INSYN2A: variants seen among roughly 807,000 people sequenced by gnomAD.
INSYN2A encodes the protein family with sequence similarity 196 member A.
Under a neutral mutation model 39.4 loss-of-function variants are expected in INSYN2A, and 17 were observed. That is an observed-to-expected ratio of 0.43 (90% CI 0.30 to 0.65). The LOEUF (loss-of-function observed/expected upper bound fraction) is 0.65. Ranked by LOEUF, INSYN2A falls within the 30% of genes least tolerant of loss-of-function variation. The pLI is 0.14. For synonymous variants in INSYN2A, 255 were observed against 265.7 expected (o/e 0.96, Z 0.39); for missense variants, 595 against 631.2 (o/e 0.94, Z 0.61).
chr10:127,167,181 G>A (rs753456963), intron 4 of INSYN2A, among the ~76,000 whole-genome samples: 4 of 151,962 alleles, frequency 2.6e-5, no homozygotes, highest in Non-Finnish European at 5.9e-5. Context: ...GTGACCCTGT[G>A]AATTAAATGA....
At chr10:127,191,186 CG>C (rs1295970972) in intron 2 of INSYN2A, among the ~76,000 whole-genome samples, 3 of 152,108 alleles carry the variant, frequency 2.0e-5, no homozygotes, top group Non-Finnish European at 4.4e-5. Flanking sequence ...CGAAGTGAGC[CG>C]GGGCATCACT....
Position 127,171,167 on chromosome 10 carries a change from C to T in INSYN2A, c.1184+4045G>A, listed in dbSNP as rs146350444. ...TGTCTCAGCCATAAACATTCTCTGC[C>T]GAAGCCATTTGGAAATCTACATAAG... On this transcript the variant is annotated intron_variant, in intron 4 of 5. Transcript: ENST00000522781. 5.9e-4 allele frequency among the ~76,000 whole-genome samples: 90 copies of T among 152,112 alleles called. No individual in the cohort carries two copies. The South Asian group carries it at 0.011, about 19-fold the overall frequency.
In INSYN2A at chr10:127,176,134, T is replaced by C; in HGVS notation, c.262A>G (p.Met88Val). Residue 88 changes from methionine (M) to valine (V), a missense_variant, in exon 4 of 6, where the codon ATG (methionine) becomes GTG (valine). Physicochemically the swap from Met to Val is conservative, Grantham distance 21 (BLOSUM62 1). Around this residue, in one of 2 missense-constraint regions of INSYN2A, gnomAD observed 478 missense variants for 467.4 expected, o/e 1.02. Coordinates refer to ENST00000522781, the MANE Select transcript of INSYN2A (RefSeq NM_001039762.3). The surrounding 1 kb of genome is among the most constrained non-coding windows in gnomAD (Gnocchi z 4.4). The stretch of plus-strand genomic sequence containing the variant: ...ATGGACCTGCGTGCGGGCACTGTCA[T>C]GTATTTGCGGTAGGCTGCTCTGCAG... ...VSCRAAYRKY[M>V]TVPARRSIPN... is the part of the protein sequence containing the mutation. The C allele has an allele frequency of 6.2e-7, 1 of 1,614,114 alleles. No individual in the cohort carries two copies. The highest frequency in any genetic ancestry group is 8.5e-7 in the Non-Finnish European group (1 of 1,180,018).
chr10:127,137,829 CGTGA>C lies in INSYN2A; in HGVS notation c.*4_*7del, dbSNP rs745523627. On this transcript the variant is annotated 3_prime_UTR_variant, in exon 6 of 6. Coordinates refer to ENST00000522781, the MANE Select transcript of INSYN2A (RefSeq NM_001039762.3). ...AAGACGGCCTCGAGACTCCAGACACCGTGAGTGTTAAAGGAACCAGAGTTTCCAT... is the reference window on the plus strand; with the variant it reads ...AAGACGGCCTCGAGACTCCAGACACCGTGTTAAAGGAACCAGAGTTTCCAT... 1.9e-6 allele frequency: 3 copies of C among 1,609,580 alleles called. No homozygotes were observed. Among genetic ancestry groups the C allele is most frequent in the Non-Finnish European group, 2.5e-6 (3 of 1,178,610 alleles).
At chr10:127,163,634 T>C (rs977556942) in intron 4 of INSYN2A, among the ~76,000 whole-genome samples, 48 of 152,182 alleles carry the variant, frequency 3.2e-4, no homozygotes, top group African/African-American at 1.1e-3. Context: ...CTCACAATTT[T>C]GTGATGCGTC....
intron 5 of INSYN2A, among the ~76,000 whole-genome samples, chr10:127,140,934 G>T (rs1455792858): frequency 6.6e-6 from 1 of 152,176 alleles, no homozygotes; most frequent in Non-Finnish European, 1.5e-5. Context: ...GTGCCTGGGG[G>T]CCTGCCTGGT....
chr10:127,172,096 C>CT (rs544335696), intron 4 of INSYN2A, among the ~76,000 whole-genome samples: 15 of 152,070 alleles, frequency 9.9e-5, no homozygotes, highest in Non-Finnish European at 1.9e-4. Context: ...TTCCTGTTTT[C>CT]TTTTTTTGTT....
chr10:127,178,087 A>AG (rs1167196242), intron 2 of INSYN2A, among the ~76,000 whole-genome samples: 3 of 152,156 alleles, frequency 2.0e-5, no homozygotes, highest in Non-Finnish European at 2.9e-5. Context: ...TGGTTCCATA[A>AG]GGGGGAAGAA....
intron 2 of INSYN2A, among the ~76,000 whole-genome samples, chr10:127,179,374 A>G (rs2133945829): frequency 6.6e-6 from 1 of 152,356 alleles, no homozygotes; most frequent in African/African-American, 2.4e-5. Context: ...TTGTTAGTAA[A>G]AAAATGATGG....
At chr10:127,143,153 A>G (rs1336077659) in intron 5 of INSYN2A, among the ~76,000 whole-genome samples, 3 of 152,306 alleles carry the variant, frequency 2.0e-5, no homozygotes, top group African/African-American at 7.2e-5. Flanking sequence ...CTGAATCCTC[A>G]AGATAATTTA....
At chr10:127,156,107 T>C (rs2053017603) in intron 4 of INSYN2A, among the ~76,000 whole-genome samples, 1 of 152,266 alleles carries the variant, frequency 6.6e-6, no homozygotes, top group South Asian at 2.1e-4. Context: ...GTGTGAATTC[T>C]AAGCTTATAG....
intron 5 of INSYN2A, among the ~76,000 whole-genome samples, chr10:127,141,308 C>T (rs546383038): frequency 1.3e-3 from 202 of 152,308 alleles, no homozygotes; most frequent in Middle Eastern, 3.4e-3. Context: ...AGATGCCATG[C>T]GGTCATCCTC....
intron 5 of INSYN2A, among the ~76,000 whole-genome samples, chr10:127,149,450 G>A (rs1344518073): frequency 6.6e-6 from 1 of 152,148 alleles, no homozygotes; most frequent in Non-Finnish European, 1.5e-5. Flanking sequence ...ATTTTTCACA[G>A]AGAAATATGT....
At chr10:127,146,572 G>T (rs2051874946) in intron 5 of INSYN2A, among the ~76,000 whole-genome samples, 1 of 150,116 alleles carries the variant, frequency 6.7e-6, no homozygotes, top group Non-Finnish European at 1.5e-5. Context: ...ATAACATTGT[G>T]TATGTAAGGT....
intron 2 of INSYN2A, among the ~76,000 whole-genome samples, chr10:127,180,565 TAATC>T (rs1217389481): frequency 1.3e-5 from 2 of 152,222 alleles, no homozygotes; most frequent in African/African-American, 4.8e-5. Context: ...TTAAATTTCA[TAATC>T]AAAGTGAGCT....
chr10:127,165,631 G>A (rs980880792), intron 4 of INSYN2A, among the ~76,000 whole-genome samples: 3 of 152,068 alleles, frequency 2.0e-5, no homozygotes, highest in Non-Finnish European at 4.4e-5. Flanking sequence ...TTGTTCACAT[G>A]GATGTGGACA....
At chr10:127,147,524 G>A (rs938369911) in intron 5 of INSYN2A, among the ~76,000 whole-genome samples, 8 of 152,002 alleles carry the variant, frequency 5.3e-5, no homozygotes, top group Admixed American at 2.0e-4. Flanking sequence ...GCTCTCTCTC[G>A]CCAGAGCTCT....
In INSYN2A at chr10:127,175,194, A is replaced by G; in HGVS notation, c.1184+18T>C. ...ATCAGCCTGCATAGCTTCCTAAGACATGGGTGAACATACATACCCTTCCCG... is the reference window on the plus strand; with the variant it reads ...ATCAGCCTGCATAGCTTCCTAAGACGTGGGTGAACATACATACCCTTCCCG... On this transcript the variant is annotated intron_variant, in intron 4 of 5. Coordinates refer to ENST00000522781, the MANE Select transcript of INSYN2A (RefSeq NM_001039762.3). This position sits in a 1 kb window ranked among gnomAD's most constrained non-coding sequence, Gnocchi z 6.3. 3 of 1,589,446 alleles carry G rather than the reference A, an allele frequency of 1.9e-6. No homozygotes were observed. The highest frequency in any genetic ancestry group is 2.6e-6 in the Non-Finnish European group (3 of 1,164,576).
chr10:127,142,447 T>A, intron 5 of INSYN2A, among the ~76,000 whole-genome samples: 1 of 152,128 alleles, frequency 6.6e-6, no homozygotes, highest in South Asian at 2.1e-4. Flanking sequence ...GTCCATGTCA[T>A]GAGGAATTCT....
Sources: gnomAD v4.1 joint callset for allele counts (sites outside exome capture counted in the v4.1 genomes callset) on GRCh38, gnomAD v4.1.1 for gene constraint, gnomAD v4.1.1 regional missense constraint, Gnocchi (gnomAD v3.1) non-coding constraint, MANE v1.5 for transcripts, NCBI Gene and HGNC (gene_info 2026-07-23, HGNC 2026-07-21) for gene names.